EYS: variants seen among roughly 807,000 people sequenced by gnomAD.
The protein encoded by EYS is protein eyes shut homolog.
EYS carries 250 observed loss-of-function variants against 282.1 expected under a neutral mutation model. The observed-to-expected ratio is 0.89, with a 90% CI of 0.80 to 0.98. EYS has a LOEUF of 0.98. Ranked by LOEUF, EYS falls within the 50% of genes least tolerant of loss-of-function variation. The pLI, the probability that EYS is intolerant of heterozygous loss-of-function variation, is 0.00. For missense variants in EYS, 4,016 were observed against 3,709.0 expected, an observed-to-expected ratio of 1.08 and a Z score of -2.15; for synonymous variants, 1,355 against 1,282.9, an observed-to-expected ratio of 1.06 and a Z score of -1.20.
chr6:65,222,066 T>C (rs1766480867), intron 12 of EYS, among the ~76,000 whole-genome samples: 1 of 152,204 alleles, frequency 6.6e-6, no homozygotes, highest in East Asian at 1.9e-4. Flanking sequence ...AACTTGCTTT[T>C]GATTTTTCAG....
intron 33 of EYS, among the ~76,000 whole-genome samples, chr6:64,013,123 C>T (rs1768723250): frequency 6.6e-6 from 1 of 152,158 alleles, no homozygotes; most frequent in Non-Finnish European, 1.5e-5. Context: ...AAAAAAGGAT[C>T]TGTGATGATT....
In EYS at chr6:65,346,237, G is replaced by A. The variant is rs555131187; in HGVS notation, c.1460-2060C>T. On this transcript the variant is annotated intron_variant, in intron 9 of 42. Coordinates refer to ENST00000503581, the MANE Select transcript of EYS (RefSeq NM_001142800.2). ...CAGTCAGCCTTCTTAGTTCCTCTCC[G>A]TTAAATATGATCACCCCACATTTGG... Among the ~76,000 whole-genome samples the A allele has an allele frequency of 1.2e-4, 18 of 151,628 alleles. No individual in the cohort carries two copies. In the South Asian group the frequency reaches 1.9e-3, roughly 16 times the overall value.
At chr6:64,208,839 ATTCTGT>A (rs1334533500) in intron 31 of EYS, among the ~76,000 whole-genome samples, 1 of 152,154 alleles carries the variant, frequency 6.6e-6, no homozygotes, top group Admixed American at 6.5e-5. Flanking sequence ...CTGGAGAAAG[ATTCTGT>A]TTCTATGTGC....
chr6:64,842,676 A>T (rs964128295), intron 19 of EYS, among the ~76,000 whole-genome samples: 25 of 152,078 alleles, frequency 1.6e-4, no homozygotes, highest in African/African-American at 5.3e-4. Flanking sequence ...CTCTTGCTAC[A>T]TTTTAGCAAA....
chr6:64,953,880 C>T (rs1583326727), intron 14 of EYS, among the ~76,000 whole-genome samples: 1 of 151,846 alleles, frequency 6.6e-6, no homozygotes, highest in African/African-American at 2.4e-5. Flanking sequence ...TGAAAAGTCA[C>T]ATGGTAGAGG....
intron 31 of EYS, among the ~76,000 whole-genome samples, chr6:64,205,814 TACACACAC>T (rs147264812): frequency 1.5e-4 from 21 of 136,376 alleles, no homozygotes; most frequent in African/African-American, 4.9e-4. Context: ...TAGGCATTCA[TACACACAC>T]ACACACACAC....
intron 12 of EYS, among the ~76,000 whole-genome samples, chr6:65,199,850 GGA>G (rs1765856977): frequency 6.6e-6 from 1 of 152,064 alleles, no homozygotes; most frequent in African/African-American, 2.4e-5. Context: ...GATGCATGGA[GGA>G]GAGTGACTGG....
chr6:65,537,017 T>C (rs1767985016), intron 2 of EYS, among the ~76,000 whole-genome samples: 2 of 152,152 alleles, frequency 1.3e-5, no homozygotes, highest in Admixed American at 1.3e-4. Context: ...TATGAATACA[T>C]GGACATAGAA....
intron 35 of EYS, among the ~76,000 whole-genome samples, chr6:63,930,283 C>CT (rs1764847729): frequency 6.7e-6 from 1 of 149,316 alleles, no homozygotes; most frequent in Non-Finnish European, 1.5e-5. Context: ...GAAACCCACC[C>CT]CCCCCACCCA....
At chr6:65,421,570 T>G (rs910366390) in intron 5 of EYS, among the ~76,000 whole-genome samples, 8 of 151,912 alleles carry the variant, frequency 5.3e-5, no homozygotes, top group African/African-American at 7.2e-5. Context: ...TCCTTTGCAT[T>G]CACAACTTGG....
intron 20 of EYS, 42 bp from the exon 21 acceptor site, chr6:64,821,765 G>C (rs771132220): frequency 5.1e-6 from 6 of 1,166,860 alleles, no homozygotes; most frequent in Non-Finnish European, 6.1e-6. Flanking sequence ...ATAAGTAGAT[G>C]TTAAAGCATA....
chr6:63,805,336 C>A (rs1300631878), intron 37 of EYS, among the ~76,000 whole-genome samples: 2 of 152,172 alleles, frequency 1.3e-5, no homozygotes, highest in Admixed American at 1.3e-4. Context: ...CCCACCAATT[C>A]CAGGGCACTA....
chr6:64,353,072 C>T (rs1277259017), intron 29 of EYS, among the ~76,000 whole-genome samples: 1 of 151,406 alleles, frequency 6.6e-6, no homozygotes, highest in Non-Finnish European at 1.5e-5. Context: ...GAAGAGAATA[C>T]CTCCCCCTAC....
rs78545485 is a variant in EYS, at chr6:65,055,306, A to G, written c.2137+2308T>C. On this transcript the variant is annotated intron_variant, in intron 13 of 42. Coordinates refer to ENST00000503581, the MANE Select transcript of EYS (RefSeq NM_001142800.2). ...CCTAATGTAAAATATTTTGAATCAGAAATTATTTGCAATTGTTTATTTGTA... is the reference window on the plus strand; with the variant it reads ...CCTAATGTAAAATATTTTGAATCAGGAATTATTTGCAATTGTTTATTTGTA... Among the ~76,000 whole-genome samples, 516 of 152,176 alleles carry G rather than the reference A, an allele frequency of 3.4e-3. 6 individuals are homozygous for G. Among genetic ancestry groups the G allele is most frequent in the African/African-American group, 0.012 (494 of 41,536 alleles).
chr6:64,416,172 G>A (rs887506383), intron 28 of EYS, among the ~76,000 whole-genome samples: 2 of 152,124 alleles, frequency 1.3e-5, no homozygotes, highest in African/African-American at 4.8e-5. Flanking sequence ...GCACTCCAGG[G>A]ACAGAAGAAA....
At chr6:63,968,849 A>G (rs1766424824) in intron 35 of EYS, among the ~76,000 whole-genome samples, 1 of 152,208 alleles carries the variant, frequency 6.6e-6, no homozygotes, top group Non-Finnish European at 1.5e-5. Context: ...CTTACTTGGC[A>G]GTTTTAGATG....
At chr6:65,112,350 G>A (rs944026163) in intron 12 of EYS, among the ~76,000 whole-genome samples, 1 of 151,850 alleles carries the variant, frequency 6.6e-6, no homozygotes, top group Non-Finnish European at 1.5e-5. Context: ...AAATCTCATG[G>A]CTAAAAAAAG....
At chr6:64,601,086 T>C (rs1766746830) in intron 24 of EYS, among the ~76,000 whole-genome samples, 1 of 152,102 alleles carries the variant, frequency 6.6e-6, no homozygotes, top group Non-Finnish European at 1.5e-5. Flanking sequence ...TACCTCTTTC[T>C]CCTATTCATT....
intron 30 of EYS, among the ~76,000 whole-genome samples, chr6:64,301,225 G>A (rs932443858): frequency 3.3e-5 from 5 of 152,184 alleles, no homozygotes; most frequent in East Asian, 3.9e-4. Context: ...TTTACTAGGC[G>A]ATATTAACTG....
Sources: gnomAD v4.1 joint callset for allele counts (sites outside exome capture counted in the v4.1 genomes callset) on GRCh38, gnomAD v4.1.1 for gene constraint, MANE v1.5 for transcripts, NCBI Gene and HGNC (gene_info 2026-07-23, HGNC 2026-07-21) for gene names.